Variants in ABCD2 observed in about 807,000 individuals in gnomAD.
ABCD2 encodes ATP binding cassette subfamily D member 2, also known as ATP-binding cassette sub-family D member 2.
Under a neutral mutation model 70.9 loss-of-function variants are expected in ABCD2, and 36 were observed. That is an observed-to-expected ratio of 0.51 (90% confidence interval 0.39 to 0.67). The LOEUF (loss-of-function observed/expected upper bound fraction) is 0.67, where lower values mean the gene tolerates loss of function less well. Ranked by LOEUF, ABCD2 falls within the 30% of genes least tolerant of loss-of-function variation. The pLI, the probability that ABCD2 is intolerant of heterozygous loss-of-function variation, is 0.00. For synonymous variants in ABCD2, 304 were observed against 306.9 expected, an observed-to-expected ratio of 0.99 and a Z score of 0.10; for missense variants, 729 against 890.2, an observed-to-expected ratio of 0.82 and a Z score of 2.30.
At chr12:39,588,574 T>C (rs771924668) in intron 6 of ABCD2, among the ~76,000 whole-genome samples, 1 of 152,156 alleles carries the variant, frequency 6.6e-6, no homozygotes, top group African/African-American at 2.4e-5. Context: ...GGGCGTGGAT[T>C]GCCAATACTT....
chr12:39,566,359 A>G (rs1350189708), intron 9 of ABCD2, among the ~76,000 whole-genome samples: 1 of 151,800 alleles, frequency 6.6e-6, no homozygotes, highest in Non-Finnish European at 1.5e-5. Context: ...TAGTCTTGGG[A>G]GGTTGTTTGT....
chr12:39,557,266 C>T (rs924955687), intron 9 of ABCD2, among the ~76,000 whole-genome samples: 3 of 152,228 alleles, frequency 2.0e-5, no homozygotes, highest in Admixed American at 6.5e-5. Context: ...TGCCCCTGCC[C>T]TAGAGGTCTA....
rs372338587 is a variant in ABCD2, at chr12:39,568,168, G to A, written c.2003+5548C>T. ...TCTGTATTTCGTGAATTTGAATGTT[G>A]GCCTGCCTTGCTAGATTGGGGAAGT... is the stretch of plus-strand genomic sequence containing the variant. On this transcript the variant is annotated intron_variant, in intron 9 of 9. Coordinates refer to ENST00000308666, the MANE Select transcript of ABCD2 (RefSeq NM_005164.4). Among the ~76,000 whole-genome samples, 16 of 152,202 alleles carry A rather than the reference G, an allele frequency of 1.1e-4. No individual in the cohort carries two copies. The East Asian group carries it at 2.1e-3, about 20-fold the overall frequency.
Position 39,573,832 on chromosome 12 carries a change from A to C in ABCD2, c.1887T>G (p.Tyr629Ter). 1 of 1,610,644 alleles carries C rather than the reference A, an allele frequency of 6.2e-7. No homozygotes were observed. ...MARMFYHKPK[Y>*]ALLDECTSAV... Reference sequence around the variant, plus strand: ...CACTGGTACATTCATCCAGCAAGGCATATTTTGGTCTTTTAAAAAGTACAC... The same window carrying C: ...CACTGGTACATTCATCCAGCAAGGCCTATTTTGGTCTTTTAAAAAGTACAC... The change falls in exon 9 of 10, where the codon TAT becomes TAG. Residue 629 changes from tyrosine (Y) to a stop codon, truncating the protein, a stop_gained. Transcript: ENST00000308666. LOFTEE classifies it high-confidence loss of function.
chr12:39,613,349 G>T (rs1942071989), intron 2 of ABCD2, among the ~76,000 whole-genome samples: 1 of 65,958 alleles, frequency 1.5e-5, no homozygotes, highest in African/African-American at 1.2e-4. Context: ...TCCCGCCACT[G>T]CACTCCAGCC....
intron 7 of ABCD2, among the ~76,000 whole-genome samples, chr12:39,584,661 T>C (rs548764787): frequency 2.0e-4 from 31 of 152,316 alleles, no homozygotes; most frequent in Admixed American, 1.8e-3. Flanking sequence ...GTTTTACATT[T>C]AAGTCTCTAA....
downstream of ABCD2, among the ~76,000 whole-genome samples, chr12:39,546,375 A>G (rs1411060546): frequency 1.3e-5 from 2 of 152,126 alleles, no homozygotes; most frequent in African/African-American, 4.8e-5. Context: ...AGTGTTCCCT[A>G]TCTGCCATGT....
intron 9 of ABCD2, among the ~76,000 whole-genome samples, chr12:39,565,237 G>A (rs1231695534): frequency 1.3e-5 from 2 of 152,066 alleles, no homozygotes; most frequent in Non-Finnish European, 2.9e-5. Flanking sequence ...CCATTTTCAC[G>A]ATATTGATTC....
chr12:39,541,426 T>C, the ABCD2 span, among the ~76,000 whole-genome samples: 3 of 152,196 alleles, frequency 2.0e-5, no homozygotes, highest in Non-Finnish European at 2.9e-5. Context: ...ACTCTTGCGA[T>C]GCGAGGAGCA....
At chr12:39,566,544 C>T (rs945462664) in intron 9 of ABCD2, among the ~76,000 whole-genome samples, 13 of 152,160 alleles carry the variant, frequency 8.5e-5, no homozygotes, top group South Asian at 2.1e-4. Flanking sequence ...GTCTTGCTAG[C>T]GGTCTATCGA....
chr12:39,553,859 A>G lies in ABCD2; in HGVS notation c.*53T>C. 1 of 1,336,508 alleles carries G rather than the reference A, an allele frequency of 7.5e-7. No homozygotes were observed. The highest frequency in any genetic ancestry group is 1.0e-6 in the Non-Finnish European group (1 of 963,466). The allele number at this position is 1,336,508 out of a possible 1,614,324, so 82.8% of individuals were successfully genotyped here. On this transcript the variant is annotated 3_prime_UTR_variant, in exon 10 of 10. Coordinates refer to ENST00000308666, the MANE Select transcript of ABCD2 (RefSeq NM_005164.4). The stretch of plus-strand genomic sequence containing the variant: ...TAACATACTTCATGCAGTATAACAG[A>G]ATGTCTTTGAGCCTTTATCTAATAA...
At chr12:39,540,021 C>G in the ABCD2 span, among the ~76,000 whole-genome samples, 1 of 152,180 alleles carries the variant, frequency 6.6e-6, no homozygotes, top group Non-Finnish European at 1.5e-5. Flanking sequence ...CTCTGTGGAG[C>G]ATTGATCCAG....
chr12:39,541,549 T>C, the ABCD2 span, among the ~76,000 whole-genome samples: 27 of 152,332 alleles, frequency 1.8e-4, no homozygotes, highest in African/African-American at 5.8e-4. Context: ...CAAAGTTAAA[T>C]ATTTTAGTCT....
Position 39,586,199 on chromosome 12 carries a change from C to T in ABCD2, c.1745G>A (p.Arg582His), listed in dbSNP as rs151149571. The T allele has an allele frequency of 1.5e-4, 248 of 1,613,342 alleles. No individual in the cohort carries two copies. The African/African-American group carries it at 2.9e-3, about 19-fold the overall frequency. ...ATAGAGATGGACATTGTGTAGGATA[C>T]GTTCCAGATCTTGGTCTGTATAACC... ...DKGYTDQDLE[R>H]ILHNVHLYHI... Residue 582 changes from arginine (R) to histidine (H), a missense_variant, in exon 7 of 10, where the codon CGT becomes CAT. Physicochemically the swap from Arg to His is conservative, Grantham distance 29. Transcript: ENST00000308666.
chr12:39,591,868 T>C (rs894130365), intron 6 of ABCD2, among the ~76,000 whole-genome samples: 1 of 152,206 alleles, frequency 6.6e-6, no homozygotes, highest in Non-Finnish European at 1.5e-5. Context: ...AAATTGCAGT[T>C]CCATATGGTT....
the ABCD2 span, among the ~76,000 whole-genome samples, chr12:39,534,656 A>AG: frequency 1.3e-5 from 2 of 149,610 alleles, no homozygotes; most frequent in African/African-American, 2.5e-5. Context: ...AAAGAAAGAA[A>AG]AAAAGAAAGA....
Position 39,619,449 on chromosome 12 carries a change from G to A in ABCD2, c.167C>T (p.Ala56Val). 6.2e-7 allele frequency: 1 copy of A among 1,614,044 alleles called. No individual in the cohort carries two copies. Among genetic ancestry groups the A allele is most frequent in the Non-Finnish European group, 8.5e-7 (1 of 1,180,016 alleles). Residue 56 changes from alanine to valine, a missense_variant, in exon 1 of 10, where the codon GCT becomes GTT. By Grantham distance (64) the Ala-to-Val change is moderately conservative. Coordinates refer to ENST00000308666, the MANE Select transcript of ABCD2 (RefSeq NM_005164.4). ...TTCTGTGTTCTCTGCAGCAGGGTAA[G>A]CTGCTGCTTTTTTCTTCCCGTGGCC... ...QSGHGKKKAA[A>V]YPAAENTEIL...
intron 9 of ABCD2, among the ~76,000 whole-genome samples, chr12:39,569,780 T>C (rs749356101): frequency 8.5e-5 from 13 of 152,206 alleles, no homozygotes; most frequent in Non-Finnish European, 1.9e-4. Context: ...CTCCCCCAGA[T>C]AACATGTTCT....
chr12:39,586,270 C>T lies in ABCD2; in HGVS notation c.1674G>A (p.Arg558=), dbSNP rs147118009. The T allele has an allele frequency of 1.2e-6, 2 of 1,612,834 alleles. No homozygotes were observed. The highest frequency in any genetic ancestry group is 3.3e-5 in the Admixed American group (2 of 59,896). The change falls in exon 7 of 10, where the codon CGG becomes CGA. Residue 558 remains arginine, a synonymous_variant. Transcript: ENST00000308666. ...QRPYMSLGSL[R]DQVIYPDSVD... is the part of the protein sequence containing the mutation. ...CTGAATCAGGGTAAATGACTTGATC[C>T]CGAAGACTTCCAAGAGACATATATG...
Sources: gnomAD v4.1 joint callset for allele counts (sites outside exome capture counted in the v4.1 genomes callset) on GRCh38, gnomAD v4.1.1 for gene constraint, MANE v1.5 for transcripts, NCBI Gene and HGNC (gene_info 2026-07-23, HGNC 2026-07-21) for gene names.